The following WWC2 variants were observed in gnomAD, a reference collection of about 807,000 sequenced individuals.
WWC2 encodes the protein WW and C2 domain containing 2, also known as protein WWC2.
WWC2 carries 101 observed loss-of-function variants against 138.5 expected under a neutral mutation model. That is an observed-to-expected ratio of 0.73 (90% CI 0.62 to 0.86). The LOEUF is 0.86. WWC2 is among the 40% of genes least tolerant of loss of function. The pLI is 0.00. For synonymous variants in WWC2, 558 were observed against 538.4 expected (o/e 1.04, Z -0.50); for missense variants, 1,420 against 1,419.4 (o/e 1.00, Z -0.01).
intron 1 of WWC2, among the ~76,000 whole-genome samples, chr4:183,107,805 TGGGAG>T (rs2152886832): frequency 6.6e-6 from 1 of 152,092 alleles, no homozygotes; most frequent in Non-Finnish European, 1.5e-5. Flanking sequence ...CCCTGGACTC[TGGGAG>T]ATAAAGATGG....
rs2111059336 is a variant in WWC2 at position 183,282,569 on chromosome 4, TA to T, written c.2685-134del. ...GATTTTTTTAAATGAGACATTTAGT[TA>T]AAAACCCCAGCCAAAGAAATGGCTT... is the stretch of plus-strand genomic sequence containing the variant. On this transcript the variant is annotated intron_variant, in intron 17 of 22. Coordinates refer to ENST00000403733, the MANE Select transcript of WWC2 (RefSeq NM_024949.6). The T allele has an allele frequency of 9.3e-6, 8 of 858,002 alleles. No individual in the cohort carries two copies. In the South Asian group the frequency reaches 1.1e-4, roughly 11 times the overall value. The allele number at this position is 858,002 out of a possible 1,614,324, so 53.1% of individuals were successfully genotyped here. A position where few individuals can be genotyped will look rare whatever the true frequency, so the allele number is the denominator to read the frequency against.
chr4:183,282,827 TGAATGAAGACGG>T lies in WWC2; in HGVS notation c.2808_2819del (p.Glu937_Asn940del), dbSNP rs1362729508. Reference sequence around the variant, plus strand: ...AGTTCATGCACTAGTGTGCCTGAGATGAATGAAGACGGGAACAGGAAAGAAAGCAACTGTGCC... The same window carrying T: ...AGTTCATGCACTAGTGTGCCTGAGATGAACAGGAAAGAAAGCAACTGTGCC... On this transcript the variant is annotated inframe_deletion, in exon 18 of 23. Transcript: ENST00000403733. 3.8e-6 allele frequency: 6 copies of T among 1,591,364 alleles called. No homozygotes were observed. In the African/African-American group the frequency reaches 6.7e-5, roughly 18 times the overall value.
At chr4:183,134,635 T>G (rs1733053664) in intron 1 of WWC2, among the ~76,000 whole-genome samples, 3 of 152,170 alleles carry the variant, frequency 2.0e-5, no homozygotes, top group Admixed American at 2.0e-4. Context: ...TTCATCTCTC[T>G]CACCATGAAT....
intron 1 of WWC2, among the ~76,000 whole-genome samples, chr4:183,123,354 C>T (rs1178629452): frequency 6.6e-6 from 1 of 151,752 alleles, no homozygotes. Context: ...CAAATACCAA[C>T]ATAGACAAAT....
chr4:183,245,184 G>A lies in WWC2; in HGVS notation c.603-232G>A, dbSNP rs907125495. 8.6e-5 allele frequency among the ~76,000 whole-genome samples: 12 copies of A among 140,196 alleles called. 1 individual carries two copies. The South Asian group carries it at 1.4e-3, about 16-fold the overall frequency. The allele number at this position is 140,196 out of a possible 152,430, so 92.0% of individuals were successfully genotyped here. A position where few individuals can be genotyped will look rare whatever the true frequency, so the allele number is the denominator to read the frequency against. ...GTAGTTTGCAGTGAGCTGAGATCAC[G>A]CCACTGCACTCCAGCCTGGGCGACA... On this transcript the variant is annotated intron_variant, in intron 5 of 22. Coordinates refer to ENST00000403733, the MANE Select transcript of WWC2 (RefSeq NM_024949.6).
At chr4:183,229,002 A>G (rs891033143) in intron 4 of WWC2, among the ~76,000 whole-genome samples, 9 of 152,090 alleles carry the variant, frequency 5.9e-5, no homozygotes, top group African/African-American at 2.2e-4. Context: ...AGTTCAGAAA[A>G]GACAAAACTA....
intron 1 of WWC2, among the ~76,000 whole-genome samples, chr4:183,118,012 C>T (rs577231993): frequency 6.6e-6 from 1 of 151,906 alleles, no homozygotes; most frequent in Admixed American, 6.6e-5. Context: ...GTTGGCCAGG[C>T]TGGTCTTGAA....
chr4:183,293,065 C>T (rs1260517718), intron 21 of WWC2, among the ~76,000 whole-genome samples: 1 of 152,180 alleles, frequency 6.6e-6, no homozygotes, highest in Admixed American at 6.5e-5. Context: ...AAGAGATTCT[C>T]CTGCCTCAGC....
chr4:183,257,496 C>T (rs891475184), intron 9 of WWC2, among the ~76,000 whole-genome samples: 1 of 152,218 alleles, frequency 6.6e-6, no homozygotes, highest in South Asian at 2.1e-4. Flanking sequence ...GGGGAGGAAT[C>T]TTTTAAGGGC....
chr4:183,262,662 G>T lies in WWC2; in HGVS notation c.1909+1130G>T, dbSNP rs578250274. ...TCAAAGCTACAAGTAGCAGGTTATG[G>T]AAATAACCACAAAGAAAATAACCAG... On this transcript the variant is annotated intron_variant, in intron 11 of 22. Transcript: ENST00000403733. Among the ~76,000 whole-genome samples, 4 of 152,302 alleles carry T rather than the reference G, an allele frequency of 2.6e-5. No individual in the cohort carries two copies. The South Asian group carries it at 8.3e-4, about 32-fold the overall frequency.
intron 1 of WWC2, among the ~76,000 whole-genome samples, chr4:183,128,163 A>AC (rs927422932): frequency 6.6e-6 from 1 of 151,500 alleles, no homozygotes; most frequent in African/African-American, 2.4e-5. Flanking sequence ...ATATGGTGAA[A>AC]CCCCCTCTCT....
At position 183,249,137 on chromosome 4, in the gene WWC2, A is replaced by G. The variant is rs78716832; in HGVS notation, c.879+277A>G. Among the ~76,000 whole-genome samples the G allele has an allele frequency of 1.2e-4, 18 of 152,246 alleles. No homozygotes were observed. In the East Asian group the frequency reaches 3.5e-3, roughly 29 times the overall value. The stretch of plus-strand genomic sequence containing the variant: ...CGCTGAAAGGCTAGAGGCATATGAG[A>G]ATTTAACTTTTTCCTATTACGTTTA... On this transcript the variant is annotated intron_variant, in intron 7 of 22. Coordinates refer to ENST00000403733, the MANE Select transcript of WWC2 (RefSeq NM_024949.6).
At chr4:183,302,485 C>A (rs889520595) in intron 21 of WWC2, among the ~76,000 whole-genome samples, 1 of 152,164 alleles carries the variant, frequency 6.6e-6, no homozygotes, top group African/African-American at 2.4e-5. Flanking sequence ...TACCCACCAC[C>A]TTTAGACCTT....
intron 16 of WWC2, among the ~76,000 whole-genome samples, chr4:183,274,053 G>C (rs2111387823): frequency 6.6e-6 from 1 of 152,230 alleles, no homozygotes; most frequent in Non-Finnish European, 1.5e-5. Flanking sequence ...TTATATTTCT[G>C]GACTCTCAAT....
Position 183,258,814 on chromosome 4 carries a change from ACTGCT to A in WWC2, c.1197-821_1197-817del, listed in dbSNP as rs377285675. ...TTTTCTGAATTCCATTCTGCTGCTT[ACTGCT>A]CTGAACTACTTTATTTCATGATGTC... is the stretch of plus-strand genomic sequence containing the variant. On this transcript the variant is annotated intron_variant, in intron 9 of 22. Transcript: ENST00000403733. Among the ~76,000 whole-genome samples, 114 of 152,328 alleles carry A rather than the reference ACTGCT, an allele frequency of 7.5e-4. 1 individual carries two copies. The highest frequency in any genetic ancestry group is 2.6e-3 in the African/African-American group (108 of 41,568).
chr4:183,194,919 T>C (rs1735093501), intron 2 of WWC2, among the ~76,000 whole-genome samples: 1 of 152,230 alleles, frequency 6.6e-6, no homozygotes, highest in Non-Finnish European at 1.5e-5. Context: ...TCAGCCTCTT[T>C]TATATGATCA....
chr4:183,140,439 A>G (rs149471405), intron 1 of WWC2, among the ~76,000 whole-genome samples: 26 of 152,312 alleles, frequency 1.7e-4, no homozygotes, highest in African/African-American at 5.3e-4. Flanking sequence ...AGTTATTGCA[A>G]TGATTCTTTC....
chr4:183,183,231 T>C (rs1179499893), intron 1 of WWC2, among the ~76,000 whole-genome samples: 1 of 152,210 alleles, frequency 6.6e-6, no homozygotes, highest in Non-Finnish European at 1.5e-5. Flanking sequence ...GCAGGTTTGT[T>C]GCATAGGTAA....
intron 1 of WWC2, among the ~76,000 whole-genome samples, chr4:183,143,704 A>C (rs535529574): frequency 1.3e-5 from 2 of 152,104 alleles, no homozygotes; most frequent in South Asian, 4.2e-4. Context: ...GCTACTTGGG[A>C]GGCTGAGGTG....
Sources: gnomAD v4.1 joint callset for allele counts (sites outside exome capture counted in the v4.1 genomes callset) on GRCh38, gnomAD v4.1.1 for gene constraint, MANE v1.5 for transcripts, NCBI Gene and HGNC (gene_info 2026-07-23, HGNC 2026-07-21) for gene names.